The following GREB1L variants were observed in gnomAD, a reference collection of about 807,000 sequenced individuals.
GREB1L encodes the protein GREB1-like protein.
GREB1L carries 17 observed loss-of-function variants against 200.8 expected under a neutral mutation model. That is an observed-to-expected ratio of 0.08 (90% CI 0.06 to 0.13). GREB1L has a LOEUF of 0.13. Ranked by LOEUF, GREB1L falls within the 10% of genes least tolerant of loss-of-function variation. The pLI is 1.00. For missense variants in GREB1L, 1,657 were observed against 2,367.7 expected, an observed-to-expected ratio of 0.70 and a Z score of 6.23; for synonymous variants, 789 against 893.0, an observed-to-expected ratio of 0.88 and a Z score of 2.08.
intron 1 of GREB1L, among the ~76,000 whole-genome samples, chr18:21,286,686 G>A (rs1476161927): frequency 6.6e-6 from 1 of 152,050 alleles, no homozygotes; most frequent in African/African-American, 2.4e-5. Flanking sequence ...ATTATCATTT[G>A]GGACAGGCAC....
chr18:21,400,227 A>G (rs372202607), intron 5 of GREB1L, among the ~76,000 whole-genome samples: 15 of 152,204 alleles, frequency 9.9e-5, no homozygotes, highest in Admixed American at 5.9e-4. Flanking sequence ...AAAAAAAAGT[A>G]TGGCTTTTCA....
At chr18:21,344,993 A>G (rs1006927470) in intron 1 of GREB1L, among the ~76,000 whole-genome samples, 2 of 152,026 alleles carry the variant, frequency 1.3e-5, no homozygotes, top group African/African-American at 4.8e-5. Flanking sequence ...TTCCAAATCT[A>G]TTCCACTCTC....
At chr18:21,428,475 G>A (rs1179852088) in intron 7 of GREB1L, among the ~76,000 whole-genome samples, 2 of 150,098 alleles carry the variant, frequency 1.3e-5, no homozygotes, top group African/African-American at 4.9e-5. Flanking sequence ...AAGAATGTTG[G>A]ATTTTGTCAA....
At chr18:21,345,549 G>A (rs2039332264) in intron 1 of GREB1L, among the ~76,000 whole-genome samples, 1 of 152,056 alleles carries the variant, frequency 6.6e-6, no homozygotes, top group Non-Finnish European at 1.5e-5. Context: ...TCTAAGACTG[G>A]GTTACCTTTT....
chr18:21,328,074 C>T (rs2039050982), intron 1 of GREB1L, among the ~76,000 whole-genome samples: 2 of 152,154 alleles, frequency 1.3e-5, no homozygotes, highest in African/African-American at 4.8e-5. Context: ...CCACATAAAG[C>T]TACACCTACT....
chr18:21,252,993 A>G (rs559761413), intron 1 of GREB1L, among the ~76,000 whole-genome samples: 3 of 152,248 alleles, frequency 2.0e-5, no homozygotes, highest in Non-Finnish European at 2.9e-5. Flanking sequence ...AATTATGAGA[A>G]CAGAGCTTAG....
At chr18:21,411,859 C>A (rs2031059537) in intron 7 of GREB1L, among the ~76,000 whole-genome samples, 3 of 151,004 alleles carry the variant, frequency 2.0e-5, no homozygotes, top group African/African-American at 7.3e-5. Context: ...TCCTGGCTAA[C>A]ACGGTGAAAC....
chr18:21,278,389 A>AAAAAAT (rs750178610), intron 1 of GREB1L, among the ~76,000 whole-genome samples: 1 of 125,610 alleles, frequency 8.0e-6, no homozygotes, highest in South Asian at 2.4e-4. Context: ...TCAAAAAAAA[A>AAAAAAT]AAATAAATAA....
At chr18:21,468,015 A>T (rs2035332539) in intron 15 of GREB1L, among the ~76,000 whole-genome samples, 1 of 150,604 alleles carries the variant, frequency 6.6e-6, no homozygotes, top group Non-Finnish European at 1.5e-5. Flanking sequence ...ACAGAGCGAG[A>T]CTCCATCTGA....
chr18:21,263,954 G>A (rs185733314), intron 1 of GREB1L, among the ~76,000 whole-genome samples: 2 of 152,148 alleles, frequency 1.3e-5, no homozygotes, highest in African/African-American at 4.8e-5. Context: ...TAGGAAGATT[G>A]TTGGCAGATT....
chr18:21,246,872 C>T (rs1292625837), intron 1 of GREB1L, among the ~76,000 whole-genome samples: 1 of 152,146 alleles, frequency 6.6e-6, no homozygotes. Context: ...CTTCTCAAAA[C>T]TTGAGGAAAA....
At chr18:21,392,113 T>G (rs1374857550) in intron 4 of GREB1L, among the ~76,000 whole-genome samples, 2 of 152,270 alleles carry the variant, frequency 1.3e-5, no homozygotes, top group Admixed American at 6.5e-5. Context: ...CCTGGCCTAC[T>G]TAGATCAGTT....
Position 21,522,658 on chromosome 18 carries a change from G to A in GREB1L, c.5609G>A (p.Gly1870Asp). 1 of 1,549,786 alleles carries A rather than the reference G, an allele frequency of 6.5e-7. No homozygotes were observed. The highest frequency in any genetic ancestry group is 8.7e-7 in the Non-Finnish European group (1 of 1,146,268). Residue 1870 changes from glycine (G) to aspartate (D), a missense_variant and splice_region_variant, in exon 33 of 33, where the codon GGT (glycine) becomes GAT (aspartate). Physicochemically the swap from Gly to Asp is moderately conservative, Grantham distance 94 (BLOSUM62 -1). Coordinates refer to ENST00000424526, the MANE Select transcript of GREB1L (RefSeq NM_001142966.3). The stretch of plus-strand genomic sequence containing the variant: ...CATATTTCTGTCTTTTTTCCTGAAG[G>A]TGCTACACTGTGTGTCATCTGCCAA... ...ADLKKFKFLK[G>D]ATLCVICQDR...
At chr18:21,331,696 A>C (rs1179505574) in intron 1 of GREB1L, among the ~76,000 whole-genome samples, 1 of 152,222 alleles carries the variant, frequency 6.6e-6, no homozygotes, top group Non-Finnish European at 1.5e-5. Context: ...ATCAGCTTTA[A>C]CAATGACATA....
chr18:21,376,987 A>G (rs958933638), intron 2 of GREB1L, among the ~76,000 whole-genome samples: 12 of 152,154 alleles, frequency 7.9e-5, no homozygotes, highest in Non-Finnish European at 1.5e-4. Context: ...ATAGCACTAC[A>G]GACCTCTGAG....
intron 15 of GREB1L, among the ~76,000 whole-genome samples, chr18:21,459,043 C>T (rs964103533): frequency 2.0e-5 from 3 of 151,898 alleles, no homozygotes; most frequent in East Asian, 1.9e-4. Context: ...CAAATGGGAG[C>T]GGATCTGGAG....
At chr18:21,334,975 A>C (rs1433131197) in intron 1 of GREB1L, among the ~76,000 whole-genome samples, 1 of 152,218 alleles carries the variant, frequency 6.6e-6, no homozygotes, top group Admixed American at 6.5e-5. Flanking sequence ...GCCTACCATT[A>C]AAAGAGAACA....
chr18:21,481,010 AAAAAAGAAAGAAAG>A (rs1275809678), intron 17 of GREB1L, among the ~76,000 whole-genome samples: 2 of 152,214 alleles, frequency 1.3e-5, no homozygotes, highest in Non-Finnish European at 2.9e-5. Flanking sequence ...ACAGATTAAA[AAAAAAGAAAGAAAG>A]AAAAAGAAAA....
In GREB1L at chr18:21,450,761, C is replaced by T. The variant is rs1434801365; in HGVS notation, c.1721-262C>T. ...ACCTTCCTTAGTCATTAAACACAAA[C>T]GTGCATATTTTCAGTTACATAAGGT... On this transcript the variant is annotated intron_variant, in intron 12 of 32. Transcript: ENST00000424526. The T allele has an allele frequency of 1.9e-5, 6 of 311,460 alleles. No homozygotes were observed. In the South Asian group the frequency reaches 2.7e-4, roughly 14 times the overall value. 19.3% of individuals were successfully genotyped at this position (311,460 alleles called of 1,614,324 possible).
Sources: allele counts gnomAD v4.1 joint callset (sites outside exome capture counted in the v4.1 genomes callset), GRCh38; gene constraint gnomAD v4.1.1; transcripts MANE v1.5; gene names NCBI Gene and HGNC (gene_info 2026-07-23, HGNC 2026-07-21).